FSTL5: variants seen among roughly 807,000 people sequenced by gnomAD.
FSTL5 encodes the protein follistatin-related protein 5.
A neutral mutation model predicts 89.1 loss-of-function variants in FSTL5; 62 were observed. The observed-to-expected ratio is 0.70, with a 90% CI of 0.57 to 0.86. FSTL5 has a LOEUF of 0.86. Ranked by LOEUF, FSTL5 falls within the 40% of genes least tolerant of loss-of-function variation. The pLI is 0.00. For missense variants in FSTL5, 1,057 were observed against 1,001.6 expected, an observed-to-expected ratio of 1.06 and a Z score of -0.75; for synonymous variants, 383 against 346.2, an observed-to-expected ratio of 1.11 and a Z score of -1.18.
intron 6 of FSTL5, among the ~76,000 whole-genome samples, chr4:161,725,818 A>G (rs1355458747): frequency 6.6e-6 from 1 of 152,230 alleles, no homozygotes; most frequent in Non-Finnish European, 1.5e-5. Flanking sequence ...TTACAACATT[A>G]TGAGGTAGGA....
intron 15 of FSTL5, among the ~76,000 whole-genome samples, chr4:161,440,975 T>C (rs1344270482): frequency 1.3e-5 from 2 of 152,176 alleles, no homozygotes; most frequent in Non-Finnish European, 2.9e-5. Context: ...CTGATACTTA[T>C]AAGGTAATAA....
In FSTL5 at chr4:161,980,718, A is replaced by T. The variant is rs143182593; in HGVS notation, c.160+52907T>A. Among the ~76,000 whole-genome samples, 258 of 151,792 alleles carry T rather than the reference A, an allele frequency of 1.7e-3. 1 individual carries two copies. Among genetic ancestry groups the T allele is most frequent in the African/African-American group, 5.9e-3 (244 of 41,444 alleles). On this transcript the variant is annotated intron_variant, in intron 3 of 15. Coordinates refer to ENST00000306100, the MANE Select transcript of FSTL5 (RefSeq NM_020116.5). ...TCTCCTAAACATAGGGAAACATAAAAGAAATTTAATAATAAATGTAACTCA... is the reference window on the plus strand; with the variant it reads ...TCTCCTAAACATAGGGAAACATAAATGAAATTTAATAATAAATGTAACTCA...
At chr4:161,459,392 A>C in intron 13 of FSTL5, 73 bp from the exon 14 acceptor site, 3 of 891,106 alleles carry the variant, frequency 3.4e-6, no homozygotes, top group Non-Finnish European at 1.8e-6. Context: ...GAAATTATGA[A>C]GATTCTAATT....
rs138634480 is a variant in FSTL5, at chr4:161,657,183, A to C, written c.728-689T>G. 6.0e-3 allele frequency among the ~76,000 whole-genome samples: 917 copies of C among 152,282 alleles called. 9 individuals carry two copies. The highest frequency in any genetic ancestry group is 0.046 in the South Asian group (220 of 4,828). ...GGACAACATTATTTGAAATCTGCAT[A>C]TGGCTTTCCTTTTTGGTTTTCAGAT... On this transcript the variant is annotated intron_variant, in intron 6 of 15. Transcript: ENST00000306100.
At chr4:161,639,818 C>T (rs532329369) in intron 7 of FSTL5, among the ~76,000 whole-genome samples, 20 of 152,152 alleles carry the variant, frequency 1.3e-4, no homozygotes, top group Non-Finnish European at 2.6e-4. Context: ...GGGATTTGTA[C>T]TCTGAATCGT....
At chr4:161,841,240 C>T (rs149067425) in intron 4 of FSTL5, among the ~76,000 whole-genome samples, 1 of 152,244 alleles carries the variant, frequency 6.6e-6, no homozygotes, top group East Asian at 1.9e-4. Flanking sequence ...GATTGATTCA[C>T]CTCTTTCATT....
chr4:161,480,536 T>A (rs1328051089), intron 13 of FSTL5, among the ~76,000 whole-genome samples: 1 of 152,196 alleles, frequency 6.6e-6, no homozygotes, highest in East Asian at 1.9e-4. Context: ...GCTTTCTCTA[T>A]CTCTAACCTA....
intron 4 of FSTL5, among the ~76,000 whole-genome samples, chr4:161,791,555 G>A (rs560533696): frequency 1.3e-5 from 2 of 152,276 alleles, no homozygotes; most frequent in African/African-American, 4.8e-5. Flanking sequence ...ATAAACCAGT[G>A]GGCATGGCTG....
chr4:161,982,993 T>C (rs1359490094), intron 3 of FSTL5, among the ~76,000 whole-genome samples: 1 of 152,198 alleles, frequency 6.6e-6, no homozygotes, highest in African/African-American at 2.4e-5. Flanking sequence ...CATGCTGTAC[T>C]TTGTTATTTA....
At chr4:162,114,787 G>T (rs1472314156) in intron 1 of FSTL5, among the ~76,000 whole-genome samples, 1 of 152,038 alleles carries the variant, frequency 6.6e-6, no homozygotes, top group African/African-American at 2.4e-5. Context: ...AAGTCAGTGT[G>T]TAAATCTTCA....
intron 3 of FSTL5, among the ~76,000 whole-genome samples, chr4:161,995,125 A>C (rs1234251554): frequency 6.6e-6 from 1 of 152,128 alleles, no homozygotes; most frequent in African/African-American, 2.4e-5. Context: ...TCAGGTTATT[A>C]ATAGAGGTGT....
intron 7 of FSTL5, among the ~76,000 whole-genome samples, chr4:161,612,915 T>C (rs1047575157): frequency 8.1e-5 from 12 of 148,732 alleles, no homozygotes; most frequent in African/African-American, 2.5e-4. Context: ...TGAATGTAAA[T>C]GTAATACAAT....
chr4:162,145,184 A>G (rs1732924798), intron 1 of FSTL5, among the ~76,000 whole-genome samples: 1 of 151,990 alleles, frequency 6.6e-6, no homozygotes, highest in Non-Finnish European at 1.5e-5. Context: ...CTATAAAGAT[A>G]GCCATAAACA....
chr4:161,752,419 G>A (rs1337974446), intron 6 of FSTL5, among the ~76,000 whole-genome samples: 2 of 152,062 alleles, frequency 1.3e-5, no homozygotes, highest in Non-Finnish European at 2.9e-5. Flanking sequence ...ATACTTGATG[G>A]ATGCTTATAT....
At chr4:161,911,529 C>A (rs904969929) in intron 4 of FSTL5, among the ~76,000 whole-genome samples, 4 of 152,002 alleles carry the variant, frequency 2.6e-5, no homozygotes, top group Non-Finnish European at 5.9e-5. Context: ...AGATATTGTA[C>A]AAACTACTAG....
chr4:161,954,584 G>A (rs1734979659), intron 3 of FSTL5, among the ~76,000 whole-genome samples: 1 of 151,574 alleles, frequency 6.6e-6, no homozygotes, highest in Non-Finnish European at 1.5e-5. Flanking sequence ...ATGTCTGTAT[G>A]TATGTATTTA....
chr4:161,696,356 C>T (rs1198964944), intron 6 of FSTL5, among the ~76,000 whole-genome samples: 2 of 152,090 alleles, frequency 1.3e-5, no homozygotes, highest in Non-Finnish European at 2.9e-5. Context: ...GTTTTGGTGA[C>T]TATGGCCTTA....
intron 5 of FSTL5, among the ~76,000 whole-genome samples, chr4:161,764,341 C>T (rs955393597): frequency 6.6e-5 from 10 of 152,104 alleles, no homozygotes; most frequent in Admixed American, 2.0e-4. Context: ...TCACTGCAAC[C>T]TTTGCCTCCT....
chr4:161,983,017 A>C (rs1735868356), intron 3 of FSTL5, among the ~76,000 whole-genome samples: 1 of 152,230 alleles, frequency 6.6e-6, no homozygotes, highest in Non-Finnish European at 1.5e-5. Flanking sequence ...CTTCAAAAAA[A>C]TGAAGTTATC....
Sources: gnomAD v4.1 joint callset for allele counts (sites outside exome capture counted in the v4.1 genomes callset) on GRCh38, gnomAD v4.1.1 for gene constraint, MANE v1.5 for transcripts, NCBI Gene and HGNC (gene_info 2026-07-23, HGNC 2026-07-21) for gene names.